The following GNAL variants were observed in gnomAD, a reference collection of about 807,000 sequenced individuals.
GNAL encodes guanine nucleotide-binding protein G(olf) subunit alpha.
Under a neutral mutation model 55.1 loss-of-function variants are expected in GNAL, and 18 were observed. The ratio of observed to expected loss-of-function variants is 0.33; its 90% CI spans 0.23 to 0.48. The LOEUF is 0.48. Ranked by LOEUF, GNAL falls within the 20% of genes least tolerant of loss-of-function variation. The pLI, the probability that GNAL is intolerant of heterozygous loss-of-function variation, is 0.99. For missense variants in GNAL, 412 were observed against 614.1 expected, an observed-to-expected ratio of 0.67 and a Z score of 3.48; for synonymous variants, 253 against 237.0, an observed-to-expected ratio of 1.07 and a Z score of -0.62.
intron 1 of GNAL, among the ~76,000 whole-genome samples, chr18:11,724,659 T>TGGTGCCTTCG (rs971646686): frequency 1.3e-5 from 2 of 152,196 alleles, no homozygotes; most frequent in African/African-American, 4.8e-5. Flanking sequence ...TATAACTTCC[T>TGGTGCCTTCG]GGTGCCTTCG....
intron 4 of GNAL, among the ~76,000 whole-genome samples, chr18:11,763,700 G>C (rs1192256167): frequency 6.6e-6 from 1 of 152,082 alleles, no homozygotes; most frequent in African/African-American, 2.4e-5. Context: ...ACCTTACTCA[G>C]ATTTTACCAA....
rs146878752 is a variant in GNAL, at chr18:11,726,479, G to A, written c.377-26374G>A. Among the ~76,000 whole-genome samples, 578 of 152,308 alleles carry A rather than the reference G, an allele frequency of 3.8e-3. 4 individuals are homozygous for A. Among genetic ancestry groups the A allele is most frequent in the South Asian group, 0.01 (50 of 4,828 alleles). On this transcript the variant is annotated intron_variant, in intron 1 of 11. Coordinates refer to ENST00000334049, the MANE Select transcript of GNAL (RefSeq NM_182978.4). Reference sequence around the variant, plus strand: ...GAATATAAGTAAATCGAAGTGGACCGCAGAATTCAGTGAGCAGGAGAAGCT... The same window carrying A: ...GAATATAAGTAAATCGAAGTGGACCACAGAATTCAGTGAGCAGGAGAAGCT...
chr18:11,767,509 C>G (rs1482958443), intron 4 of GNAL, among the ~76,000 whole-genome samples: 2 of 151,486 alleles, frequency 1.3e-5, no homozygotes, highest in African/African-American at 4.9e-5. Context: ...GCACTGTGTG[C>G]ATCCTTACAC....
intron 4 of GNAL, among the ~76,000 whole-genome samples, chr18:11,799,805 C>G (rs929370385): frequency 6.6e-6 from 1 of 152,080 alleles, no homozygotes; most frequent in Non-Finnish European, 1.5e-5. Flanking sequence ...AGTGGACTGA[C>G]AATGGCACAG....
In GNAL at chr18:11,878,948, G is replaced by C. The variant is rs561479322; in HGVS notation, c.1231-2041G>C. Among the ~76,000 whole-genome samples, 311 of 145,856 alleles carry C rather than the reference G, an allele frequency of 2.1e-3. 3 individuals are homozygous for C. Among genetic ancestry groups the C allele is most frequent in the Middle Eastern group, 0.011 (3 of 278 alleles). ...TCACCTGGTGCTTTGGGATTAAAAA[G>C]ATATATAACTGGTTGGAGGAGTGGG... On this transcript the variant is annotated intron_variant, in intron 11 of 11. Coordinates refer to ENST00000334049, the MANE Select transcript of GNAL (RefSeq NM_182978.4).
At chr18:11,715,274 A>G (rs1403344069) in intron 1 of GNAL, among the ~76,000 whole-genome samples, 1 of 147,738 alleles carries the variant, frequency 6.8e-6, no homozygotes, top group Non-Finnish European at 1.5e-5. Flanking sequence ...CCTGGCTAAC[A>G]CGGTGAAACC....
chr18:11,843,634 T>G (rs535618478), intron 5 of GNAL, among the ~76,000 whole-genome samples: 9 of 152,334 alleles, frequency 5.9e-5, no homozygotes, highest in Non-Finnish European at 7.3e-5. Flanking sequence ...ATTTGATTTC[T>G]AATACCATTT....
chr18:11,815,869 C>T (rs2034941865), intron 4 of GNAL, among the ~76,000 whole-genome samples: 1 of 152,112 alleles, frequency 6.6e-6, no homozygotes, highest in Non-Finnish European at 1.5e-5. Flanking sequence ...CCAACAGTTT[C>T]ATAAAAGATA....
chr18:11,793,598 T>G (rs983266929), intron 4 of GNAL, among the ~76,000 whole-genome samples: 2 of 140,780 alleles, frequency 1.4e-5, no homozygotes, highest in African/African-American at 5.7e-5. Flanking sequence ...AATAAAAATC[T>G]ACAACTCAAC....
At chr18:11,850,739 G>T (rs1376067444) in intron 5 of GNAL, among the ~76,000 whole-genome samples, 1 of 152,084 alleles carries the variant, frequency 6.6e-6, no homozygotes, top group Non-Finnish European at 1.5e-5. Context: ...CTAAACCACG[G>T]GACGATTTTT....
chr18:11,840,730 TTCAGTCAATGTAC>T (rs1252712552), intron 5 of GNAL, among the ~76,000 whole-genome samples: 1 of 152,164 alleles, frequency 6.6e-6, no homozygotes, highest in African/African-American at 2.4e-5. Context: ...CTGTGACAGA[TTCAGTCAATGTAC>T]ACAGTCATAG....
intron 11 of GNAL, among the ~76,000 whole-genome samples, chr18:11,877,490 C>G (rs1283934999): frequency 6.6e-6 from 1 of 151,974 alleles, no homozygotes; most frequent in Non-Finnish European, 1.5e-5. Context: ...TAGTCTTTAC[C>G]CAAATTGACC....
intron 9 of GNAL, among the ~76,000 whole-genome samples, chr18:11,871,253 CTT>C (rs759232588): frequency 1.3e-4 from 18 of 138,612 alleles, no homozygotes; most frequent in East Asian, 2.1e-4. Flanking sequence ...GTTTTTCTTT[CTT>C]TTTTTTTTTT....
Position 11,881,298 on chromosome 18 carries a change from TG to T in GNAL, c.*164del, listed in dbSNP as rs2077007907. ...CTACCTCTGTCCCCTCAGGTTTGGT[TG>T]TGTAGCTTCTGTTGTCATTGAATAC... is the stretch of plus-strand genomic sequence containing the variant. On this transcript the variant is annotated 3_prime_UTR_variant, in exon 12 of 12. Transcript: ENST00000334049. The surrounding 1 kb of genome is among the most constrained non-coding windows in gnomAD (Gnocchi z 4.8). 7 of 634,418 alleles carry T rather than the reference TG, an allele frequency of 1.1e-5. No homozygotes were observed. In the East Asian group the frequency reaches 1.7e-4, roughly 15 times the overall value. The allele number at this position is 634,418 out of a possible 1,614,324, so 39.3% of individuals were successfully genotyped here. A position where few individuals can be genotyped will look rare whatever the true frequency, so the allele number is the denominator to read the frequency against.
intron 5 of GNAL, among the ~76,000 whole-genome samples, chr18:11,862,135 G>A (rs536078721): frequency 2.6e-5 from 4 of 152,006 alleles, no homozygotes; most frequent in South Asian, 2.1e-4. Flanking sequence ...CACCCCCAGC[G>A]CTGTGGCAGT....
chr18:11,769,699 C>T (rs115858979), intron 4 of GNAL, among the ~76,000 whole-genome samples: 6 of 152,158 alleles, frequency 3.9e-5, no homozygotes, highest in South Asian at 4.1e-4. Flanking sequence ...TCATGAAGCA[C>T]GTAAGTTTAT....
chr18:11,698,042 G>A (rs150336098), intron 1 of GNAL, among the ~76,000 whole-genome samples: 1 of 152,140 alleles, frequency 6.6e-6, no homozygotes, highest in Non-Finnish European at 1.5e-5. Context: ...AAGGAAGGGA[G>A]GAGGGCCCAG....
intron 1 of GNAL, among the ~76,000 whole-genome samples, chr18:11,719,302 T>A (rs555839010): frequency 3.5e-4 from 54 of 152,266 alleles, no homozygotes; most frequent in Non-Finnish European, 2.9e-4. Flanking sequence ...ATTTTTTTTT[T>A]AATTTATCTT....
At chr18:11,806,879 TGCAGCTC>T (rs1379381357) in intron 4 of GNAL, among the ~76,000 whole-genome samples, 3 of 152,154 alleles carry the variant, frequency 2.0e-5, no homozygotes, top group Non-Finnish European at 4.4e-5. Flanking sequence ...AAAAATAACC[TGCAGCTC>T]GAGCTCCTGA....
Sources: gnomAD v4.1 joint callset for allele counts (sites outside exome capture counted in the v4.1 genomes callset) on GRCh38, gnomAD v4.1.1 for gene constraint, Gnocchi (gnomAD v3.1) non-coding constraint, MANE v1.5 for transcripts, NCBI Gene and HGNC (gene_info 2026-07-23, HGNC 2026-07-21) for gene names.